The following MBOAT2 variants were observed in gnomAD, a reference collection of about 807,000 sequenced individuals.
MBOAT2 encodes the protein membrane bound glycerophospholipid O-acyltransferase 2.
MBOAT2 carries 28 observed loss-of-function variants against 63.4 expected under a neutral mutation model. The observed-to-expected ratio is 0.44, with a 90% CI of 0.33 to 0.61. MBOAT2 has a LOEUF of 0.61. Ranked by LOEUF, MBOAT2 falls within the 20% of genes least tolerant of loss-of-function variation. MBOAT2 has a pLI of 0.03. For synonymous variants in MBOAT2, 211 were observed against 215.6 expected (o/e 0.98, Z 0.19); for missense variants, 470 against 605.8 (o/e 0.78, Z 2.35).
chr2:8,971,940 G>T (rs1247512775), intron 1 of MBOAT2, among the ~76,000 whole-genome samples: 2 of 152,144 alleles, frequency 1.3e-5, no homozygotes, highest in Non-Finnish European at 2.9e-5. Flanking sequence ...TGGCCATACT[G>T]CCCAAGGTAA....
rs980957935 is a variant in MBOAT2, at chr2:8,912,751, G to A, written c.300-4035C>T. Among the ~76,000 whole-genome samples the A allele has an allele frequency of 3.3e-5, 5 of 152,192 alleles. No homozygotes were observed. In the South Asian group the frequency reaches 6.2e-4, roughly 19 times the overall value. ...CATGGATGGGTAGAATCAGTATTAC[G>A]GAAATGACCATACTCCAAAAGCAAT... On this transcript the variant is annotated intron_variant, in intron 3 of 12. Transcript: ENST00000305997.
intron 4 of MBOAT2, among the ~76,000 whole-genome samples, chr2:8,893,236 A>G (rs1025965797): frequency 4.6e-5 from 7 of 152,138 alleles, no homozygotes; most frequent in Non-Finnish European, 2.9e-5. Flanking sequence ...GTGGGGTTTC[A>G]TACCTGGAAC....
intron 1 of MBOAT2, among the ~76,000 whole-genome samples, chr2:8,984,628 C>A (rs912717988): frequency 1.3e-5 from 2 of 151,804 alleles, no homozygotes; most frequent in African/African-American, 4.8e-5. Flanking sequence ...GGAGGATGTA[C>A]TAGTACAGAA....
chr2:8,874,293 T>A (rs1460167445), intron 7 of MBOAT2, among the ~76,000 whole-genome samples: 1 of 152,214 alleles, frequency 6.6e-6, no homozygotes, highest in Non-Finnish European at 1.5e-5. Context: ...TTGCAGCAGT[T>A]GTTATTCTCA....
intron 4 of MBOAT2, among the ~76,000 whole-genome samples, chr2:8,900,507 G>A (rs1415012676): frequency 6.6e-6 from 1 of 152,170 alleles, no homozygotes; most frequent in Admixed American, 6.5e-5. Flanking sequence ...AAGGGGACAT[G>A]TACCCAGGTT....
intron 2 of MBOAT2, among the ~76,000 whole-genome samples, chr2:8,952,210 C>T (rs1668885849): frequency 6.6e-6 from 1 of 152,304 alleles, no homozygotes; most frequent in Non-Finnish European, 1.5e-5. Context: ...TGTTTAATTT[C>T]CATGTAATTG....
chr2:8,951,059 C>T (rs892783385), intron 2 of MBOAT2, among the ~76,000 whole-genome samples: 12 of 152,088 alleles, frequency 7.9e-5, no homozygotes, highest in African/African-American at 2.9e-4. Context: ...CATCTATGTT[C>T]GTCAGGGATA....
intron 3 of MBOAT2, among the ~76,000 whole-genome samples, chr2:8,939,497 A>C (rs550294701): frequency 1.3e-5 from 2 of 152,220 alleles, no homozygotes; most frequent in South Asian, 4.1e-4. Flanking sequence ...GGGAGGTTCT[A>C]GGACAAGGAG....
chr2:8,899,008 G>A (rs1572996976), intron 4 of MBOAT2, among the ~76,000 whole-genome samples: 2 of 152,330 alleles, frequency 1.3e-5, no homozygotes, highest in African/African-American at 2.4e-5. Flanking sequence ...TAAGGCTTGA[G>A]CTTTGAAACG....
rs112083984 is a variant in MBOAT2, at chr2:8,933,609, T to G, written c.299+9578A>C. 1.4e-3 allele frequency among the ~76,000 whole-genome samples: 209 copies of G among 152,308 alleles called. 1 individual carries two copies. The highest frequency in any genetic ancestry group is 4.8e-3 in the African/African-American group (199 of 41,580). On this transcript the variant is annotated intron_variant, in intron 3 of 12. Coordinates refer to ENST00000305997, the MANE Select transcript of MBOAT2 (RefSeq NM_138799.4). ...CTCCCACCCCAGCCTCCCAAAGCAC[T>G]TGGGGTTACAGGCATGAGCCACCAC...
rs1170316129 is a variant in MBOAT2 at position 8,854,737 on chromosome 2, G to A, written c.*3942C>T. Reference sequence around the variant, plus strand: ...TGAACTTTAAATAGGAGAGATTTTTGTCCTAAAACTGTGATCTAGTCCTTG... The same window carrying A: ...TGAACTTTAAATAGGAGAGATTTTTATCCTAAAACTGTGATCTAGTCCTTG... On this transcript the variant is annotated 3_prime_UTR_variant, in exon 13 of 13. Coordinates refer to ENST00000305997, the MANE Select transcript of MBOAT2 (RefSeq NM_138799.4). The A allele has an allele frequency of 6.6e-6, 1 of 152,100 alleles. No individual in the cohort carries two copies. The highest frequency in any genetic ancestry group is 2.4e-5 in the African/African-American group (1 of 41,408). The allele number at this position is 152,100 out of a possible 1,614,324, so 9.4% of individuals were successfully genotyped here.
At chr2:8,951,349 CAT>C (rs1280420486) in intron 2 of MBOAT2, among the ~76,000 whole-genome samples, 1 of 152,074 alleles carries the variant, frequency 6.6e-6, no homozygotes, top group Non-Finnish European at 1.5e-5. Context: ...GGATTACAGA[CAT>C]GTGTCACCAC....
At chr2:8,897,134 CTTCT>C (rs1047864771) in intron 4 of MBOAT2, among the ~76,000 whole-genome samples, 3 of 151,624 alleles carry the variant, frequency 2.0e-5, no homozygotes, top group African/African-American at 7.3e-5. Context: ...CTCTCTTTGA[CTTCT>C]TTGTCTCTGT....
chr2:8,870,393 A>AGAAAG (rs1216417748), intron 8 of MBOAT2, among the ~76,000 whole-genome samples: 1 of 152,258 alleles, frequency 6.6e-6, no homozygotes, highest in Non-Finnish European at 1.5e-5. Context: ...TACAAAAATC[A>AGAAAG]GAAAGTAACT....
At chr2:8,914,716 G>C (rs1666025549) in intron 3 of MBOAT2, among the ~76,000 whole-genome samples, 1 of 152,050 alleles carries the variant, frequency 6.6e-6, no homozygotes. Context: ...TGTAGTTACT[G>C]AGCTCTTGAA....
chr2:8,939,443 C>A (rs573061356), intron 3 of MBOAT2, among the ~76,000 whole-genome samples: 115 of 152,282 alleles, frequency 7.6e-4, no homozygotes, highest in African/African-American at 2.6e-3. Context: ...TGGCATCAAC[C>A]GCAGTGGGAG....
At chr2:8,964,519 G>A (rs904245433) in intron 1 of MBOAT2, among the ~76,000 whole-genome samples, 11 of 149,140 alleles carry the variant, frequency 7.4e-5, no homozygotes, top group Non-Finnish European at 7.4e-5. Context: ...AAAACTGAAC[G>A]TAAGCTTCTG....
intron 1 of MBOAT2, among the ~76,000 whole-genome samples, chr2:8,977,322 A>C (rs1432964035): frequency 6.6e-6 from 1 of 152,132 alleles, no homozygotes; most frequent in Non-Finnish European, 1.5e-5. Flanking sequence ...AGGGTATTTC[A>C]TTGAAGTTAC....
At chr2:8,860,100 T>C (rs952649356) in intron 12 of MBOAT2, among the ~76,000 whole-genome samples, 1 of 151,978 alleles carries the variant, frequency 6.6e-6, no homozygotes, top group Non-Finnish European at 1.5e-5. Flanking sequence ...AGGCAGAGAA[T>C]TGCTTGAACC....
Sources: allele counts gnomAD v4.1 joint callset (sites outside exome capture counted in the v4.1 genomes callset), GRCh38; gene constraint gnomAD v4.1.1; transcripts MANE v1.5; gene names NCBI Gene and HGNC (gene_info 2026-07-23, HGNC 2026-07-21).